FBXL2: variants seen among roughly 807,000 people sequenced by gnomAD.
The protein encoded by FBXL2 is F-box/LRR-repeat protein 2.
A neutral mutation model predicts 69.2 loss-of-function variants in FBXL2; 38 were observed. The ratio of observed to expected loss-of-function variants is 0.55; its 90% CI spans 0.42 to 0.72. FBXL2 has a LOEUF of 0.72. FBXL2 is among the 30% of genes least tolerant of loss of function. The pLI, the probability that FBXL2 is intolerant of heterozygous loss-of-function variation, is 0.00. For synonymous variants in FBXL2, 192 were observed against 201.3 expected (o/e 0.95, Z 0.39); for missense variants, 354 against 520.3 (o/e 0.68, Z 3.11).
At chr3:33,391,345 T>A (rs1017079873), downstream of FBXL2, 1 of 152,186 alleles carries the variant, frequency 6.6e-6, no homozygotes, top group Non-Finnish European at 1.5e-5. Flanking sequence ...CTCAAATAAT[T>A]TTACATTTAG....
chr3:33,316,259 T>C (rs2037679812), intron 2 of FBXL2, among the ~76,000 whole-genome samples: 1 of 152,062 alleles, frequency 6.6e-6, no homozygotes, highest in South Asian at 2.1e-4. Context: ...GGTTTCACCT[T>C]GTTGGCCAGG....
intron 2 of FBXL2, among the ~76,000 whole-genome samples, chr3:33,348,320 A>C (rs1412599790): frequency 6.6e-6 from 1 of 151,892 alleles, no homozygotes. Context: ...CTTTGAGTTT[A>C]TTATAGGTAT....
chr3:33,388,695 A>G (rs1357649661), downstream of FBXL2: 1 of 152,246 alleles, frequency 6.6e-6, no homozygotes, highest in East Asian at 1.9e-4. Flanking sequence ...GTCACACGAA[A>G]GCAAAGGGAA....
intron 2 of FBXL2, among the ~76,000 whole-genome samples, chr3:33,344,201 C>G (rs549285552): frequency 6.6e-6 from 1 of 151,844 alleles, no homozygotes; most frequent in African/African-American, 2.4e-5. Context: ...TTCTGAAAGA[C>G]TAAAAACAAA....
chr3:33,416,424 A>G, the FBXL2 span, among the ~76,000 whole-genome samples: 1 of 152,232 alleles, frequency 6.6e-6, no homozygotes, highest in Non-Finnish European at 1.5e-5. Flanking sequence ...TACAAGGTAA[A>G]GGATTTTTTA....
intron 13 of FBXL2, 68 bp from the exon 14 acceptor site, chr3:33,383,921 C>A (rs1377316796): frequency 2.0e-6 from 3 of 1,514,838 alleles, no homozygotes; most frequent in Non-Finnish European, 2.7e-6. Context: ...TAGCTTCCAG[C>A]TTTTTTTTAG....
At chr3:33,403,461 C>G (rs544089415) in exon 13 of FBXL2, 2 of 163,658 alleles carry the variant, frequency 1.2e-5, no homozygotes, top group African/African-American at 4.9e-5. Flanking sequence ...CAAAATACAT[C>G]AACTGTGTAC....
intron 2 of FBXL2, among the ~76,000 whole-genome samples, chr3:33,326,850 T>G (rs2038738597): frequency 6.6e-6 from 1 of 152,222 alleles, no homozygotes; most frequent in South Asian, 2.1e-4. Context: ...TGGCATCACT[T>G]TTTGTTATCC....
At chr3:33,338,240 T>A (rs2039741359) in intron 2 of FBXL2, among the ~76,000 whole-genome samples, 1 of 151,924 alleles carries the variant, frequency 6.6e-6, no homozygotes, top group Non-Finnish European at 1.5e-5. Context: ...GGTGAAACCC[T>A]CTCTCTACTA....
At chr3:33,288,493 G>A (rs1350976778) in intron 1 of FBXL2, among the ~76,000 whole-genome samples, 1 of 152,190 alleles carries the variant, frequency 6.6e-6, no homozygotes, top group Non-Finnish European at 1.5e-5. Context: ...GAGTGAATGA[G>A]GGAAGGGATG....
chr3:33,420,247 G>T, the FBXL2 span, among the ~76,000 whole-genome samples: 1 of 152,186 alleles, frequency 6.6e-6, no homozygotes, highest in East Asian at 1.9e-4. Flanking sequence ...TAAGCAAAAA[G>T]AACTTTCTGA....
rs1229416423 is a variant in FBXL2 at position 33,386,350 on chromosome 3, C to G, written c.*742C>G. 1 of 152,260 alleles carries G rather than the reference C, an allele frequency of 6.6e-6. No homozygotes were observed. The highest frequency in any genetic ancestry group is 1.5e-5 in the Non-Finnish European group (1 of 68,028). 9.4% of individuals were successfully genotyped at this position (152,260 alleles called of 1,614,324 possible). A position where few individuals can be genotyped will look rare whatever the true frequency, so the allele number is the denominator to read the frequency against. On this transcript the variant is annotated 3_prime_UTR_variant, in exon 15 of 15. Coordinates refer to ENST00000484457, the MANE Select transcript of FBXL2 (RefSeq NM_012157.5). ...TGCTACAGCACATAACACATTTTTACTAAAGGAAAAAAGCTAATTATGTCC... is the reference window on the plus strand; with the variant it reads ...TGCTACAGCACATAACACATTTTTAGTAAAGGAAAAAAGCTAATTATGTCC...
In FBXL2 at chr3:33,364,706, G is replaced by T; in HGVS notation, c.277G>T (p.Asp93Tyr). ...CTTGCGAGGCTGCATTGGTGTTGGG[G>T]ATTCCTCCTTGAAGTAAGTCAAATC... is the stretch of plus-strand genomic sequence containing the variant. ...LSLRGCIGVG[D>Y]SSLKTFAQNC... is the part of the protein sequence containing the mutation. The change falls in exon 5 of 15, where the codon GAT (aspartate) becomes TAT (tyrosine). Residue 93 changes from aspartate to tyrosine, a missense_variant. Transcript: ENST00000484457. 1 of 1,614,036 alleles carries T rather than the reference G, an allele frequency of 6.2e-7. No homozygotes were observed. Among genetic ancestry groups the T allele is most frequent in the Non-Finnish European group, 8.5e-7 (1 of 1,179,886 alleles).
chr3:33,371,308 G>C (rs2042287828), intron 5 of FBXL2, among the ~76,000 whole-genome samples: 1 of 151,324 alleles, frequency 6.6e-6, no homozygotes. Context: ...GGAACTACAG[G>C]CATGTGCCAC....
intron 14 of FBXL2, 135 bp from the exon 15 acceptor site, chr3:33,385,366 C>A: frequency 1.2e-6 from 1 of 827,812 alleles, no homozygotes. Context: ...AGGAGTAGCT[C>A]TAATCTATAG....
chr3:33,280,713 C>CAAAAAAAAAAAAAAAAAAAAAAAAAAA (rs34093056), intron 1 of FBXL2, among the ~76,000 whole-genome samples: 1 of 81,442 alleles, frequency 1.2e-5, no homozygotes, highest in Non-Finnish European at 2.5e-5. Flanking sequence ...GCCCTGTATC[C>CAAAAAAAAAAAAAAAAAAAAAAAAAAA]AAAAAAAAAA....
At chr3:33,333,092 G>A (rs2039295918) in intron 2 of FBXL2, among the ~76,000 whole-genome samples, 1 of 152,164 alleles carries the variant, frequency 6.6e-6, no homozygotes, top group Admixed American at 6.5e-5. Flanking sequence ...GGGGCTGAGG[G>A]GAGTGGGGGA....
intron 5 of FBXL2, 38 bp from the exon 6 acceptor site, chr3:33,373,054 C>G: frequency 6.3e-7 from 1 of 1,586,012 alleles, no homozygotes; most frequent in Non-Finnish European, 8.7e-7. Context: ...GGCTGTCCAG[C>G]AACTTGCAGG....
intron 13 of FBXL2, among the ~76,000 whole-genome samples, chr3:33,381,499 C>T (rs2043057358): frequency 6.6e-6 from 1 of 152,074 alleles, no homozygotes; most frequent in Non-Finnish European, 1.5e-5. Flanking sequence ...ACAAAATTAG[C>T]CAGGCGTGGT....
Sources: allele counts gnomAD v4.1 joint callset (sites outside exome capture counted in the v4.1 genomes callset), GRCh38; gene constraint gnomAD v4.1.1; transcripts MANE v1.5; gene names NCBI Gene and HGNC (gene_info 2026-07-23, HGNC 2026-07-21).